The following MYT1 variants were observed in gnomAD, a reference collection of about 807,000 sequenced individuals.
MYT1 encodes the protein myelin transcription factor I.
A neutral mutation model predicts 123.0 loss-of-function variants in MYT1; 23 were observed. The ratio of observed to expected loss-of-function variants is 0.19; its 90% CI spans 0.13 to 0.26. The LOEUF (loss-of-function observed/expected upper bound fraction) is 0.26, where lower values mean the gene tolerates loss of function less well. Ranked by LOEUF, MYT1 falls within the 10% of genes least tolerant of loss-of-function variation. MYT1 has a pLI of 1.00. For synonymous variants in MYT1, 518 were observed against 575.3 expected (o/e 0.90, Z 1.43); for missense variants, 1,125 against 1,472.5 (o/e 0.76, Z 3.86).
At chr20:64,173,027 C>A (rs1015913303) in intron 1 of MYT1, among the ~76,000 whole-genome samples, 19 of 152,130 alleles carry the variant, frequency 1.2e-4, no homozygotes, top group Admixed American at 1.2e-3. Context: ...CCATTCCTGG[C>A]CTCATACCCT....
At chr20:64,217,373 G>T in intron 11 of MYT1, 92 bp downstream of exon 11, 1 of 1,360,692 alleles carries the variant, frequency 7.3e-7, no homozygotes, top group South Asian at 1.2e-5. Flanking sequence ...CCCTCTCGAG[G>T]AGCTACTAGG....
intron 22 of MYT1, among the ~76,000 whole-genome samples, 166 bp from the exon 23 acceptor site, chr20:64,240,154 G>T (rs1036173662): frequency 6.6e-6 from 1 of 152,226 alleles, no homozygotes; most frequent in African/African-American, 2.4e-5. Flanking sequence ...TGAGCAGAGA[G>T]GCTACTGCTG....
chr20:64,209,972 G>A (rs1395125734), intron 7 of MYT1, among the ~76,000 whole-genome samples: 2 of 152,202 alleles, frequency 1.3e-5, no homozygotes, highest in African/African-American at 4.8e-5. Context: ...TGGGGCCATG[G>A]GCACAAAGAG....
rs1442427921 is a variant in MYT1, at chr20:64,240,511, C to T, written c.*63C>T. 6.5e-6 allele frequency: 10 copies of T among 1,537,340 alleles called. No homozygotes were observed. Among genetic ancestry groups the T allele is most frequent in the Non-Finnish European group, 8.7e-6 (10 of 1,143,406 alleles). On this transcript the variant is annotated 3_prime_UTR_variant, in exon 23 of 23. Coordinates refer to ENST00000328439, the MANE Select transcript of MYT1 (RefSeq NM_004535.3). ...CGTTTACCTCCCTCGCCCTGCCCCG[C>T]ACCGTGGGGATGCCCAACTCACAGT...
rs754051884 is a variant in MYT1 at position 64,185,742 on chromosome 20, C to T, written c.-98-4321C>T. Among the ~76,000 whole-genome samples, 2 of 152,176 alleles carry T rather than the reference C, an allele frequency of 1.3e-5. No individual in the cohort carries two copies. Among genetic ancestry groups the T allele is most frequent in the Non-Finnish European group, 2.9e-5 (2 of 68,030 alleles). On this transcript the variant is annotated intron_variant, in intron 1 of 22. Coordinates refer to ENST00000328439, the MANE Select transcript of MYT1 (RefSeq NM_004535.3). This position sits in a 1 kb window ranked among gnomAD's most constrained non-coding sequence, Gnocchi z 4.5. ...GCAGGGGGTCCCCCATGGGGTTGTG[C>T]GTGGAGTGGCCACAGTGCCAGTGCA...
intron 1 of MYT1, among the ~76,000 whole-genome samples, chr20:64,184,557 G>A (rs1349681460): frequency 6.6e-6 from 1 of 152,160 alleles, no homozygotes; most frequent in African/African-American, 2.4e-5. Flanking sequence ...AAACTGAGAA[G>A]TGTGTCGTCC....
chr20:64,221,854 G>A (rs201499970), intron 13 of MYT1, 39 bp from the exon 14 acceptor site: 46 of 1,605,758 alleles, frequency 2.9e-5, no homozygotes, highest in African/African-American at 2.5e-4. Flanking sequence ...AGGCCTCCCC[G>A]CCAGCCGGTT....
intron 4 of MYT1, among the ~76,000 whole-genome samples, chr20:64,201,982 C>CCGCGTGTCGGGAACCCCT (rs1983329179): frequency 1.3e-5 from 1 of 79,764 alleles, no homozygotes; most frequent in African/African-American, 5.5e-5. Flanking sequence ...TCGGGAACCC[C>CCGCGTGTCGGGAACCCCT]CGCGTGTCGG....
At chr20:64,200,817 G>A (rs1421754005) in intron 4 of MYT1, among the ~76,000 whole-genome samples, 1 of 152,200 alleles carries the variant, frequency 6.6e-6, no homozygotes. Context: ...TGGGTAACAG[G>A]TGGGAGGGGT....
At position 64,232,278 on chromosome 20, in the gene MYT1, T is replaced by C; in HGVS notation, c.2790T>C (p.Asn930=). Residue 930 remains asparagine, a synonymous_variant, in exon 19 of 23, where the codon AAT becomes AAC. Transcript: ENST00000328439. This position sits in a 1 kb window ranked among gnomAD's most constrained non-coding sequence, Gnocchi z 6.9. ...GCAGGCAGAAGGAAGGGTCCCTCAA[T>C]GGCTCGTCATTCTCCTGGAAGTCCC... The part of the protein sequence containing the change: ...AARRQKEGSL[N]GSSFSWKSLK... The C allele has an allele frequency of 5.0e-6, 8 of 1,613,066 alleles. No homozygotes were observed. In the Admixed American group the frequency reaches 8.3e-5, roughly 17 times the overall value.
Position 64,207,392 on chromosome 20 carries a change from C to T in MYT1, c.398-202C>T, listed in dbSNP as rs536154754. Among the ~76,000 whole-genome samples the T allele has an allele frequency of 3.3e-5, 5 of 152,178 alleles. No homozygotes were observed. In the South Asian group the frequency reaches 6.2e-4, roughly 19 times the overall value. ...GACCTGCCTCCTAAAATATATTCAC[C>T]GTGATTTCTGGATTCAGGCAGAAGG... is the stretch of plus-strand genomic sequence containing the variant. On this transcript the variant is annotated intron_variant, in intron 6 of 22. Transcript: ENST00000328439.
rs139558742 is a variant in MYT1, at chr20:64,173,009, T to C, written c.-99+8270T>C. Among the ~76,000 whole-genome samples the C allele has an allele frequency of 3.5e-3, 528 of 152,242 alleles. 2 individuals carry two copies. Among genetic ancestry groups the C allele is most frequent in the African/African-American group, 0.012 (514 of 41,540 alleles). ...CTCCCAAAGTGTTAGGATTACAGGC[T>C]TGAGCCACCATTCCTGGCCTCATAC... On this transcript the variant is annotated intron_variant, in intron 1 of 22. Coordinates refer to ENST00000328439, the MANE Select transcript of MYT1 (RefSeq NM_004535.3).
At chr20:64,199,237 C>G (rs1365061244) in intron 3 of MYT1, among the ~76,000 whole-genome samples, 1 of 152,218 alleles carries the variant, frequency 6.6e-6, no homozygotes, top group African/African-American at 2.4e-5. Context: ...ACCGCCAGCC[C>G]CCTTCCTTCC....
In MYT1 at chr20:64,196,728, C is replaced by T. The variant is rs1367619089; in HGVS notation, c.1-2134C>T. ...GGAGCGGCAGAGCTGTCAGCTTCAT[C>T]AACGGGAGCTCACAGTTTTCAAGCA... On this transcript the variant is annotated intron_variant, in intron 2 of 22. Coordinates refer to ENST00000328439, the MANE Select transcript of MYT1 (RefSeq NM_004535.3). This position sits in a 1 kb window ranked among gnomAD's most constrained non-coding sequence, Gnocchi z 4.3. Among the ~76,000 whole-genome samples, 4 of 152,218 alleles carry T rather than the reference C, an allele frequency of 2.6e-5. No individual in the cohort carries two copies. Among genetic ancestry groups the T allele is most frequent in the Non-Finnish European group, 5.9e-5 (4 of 68,030 alleles).
intron 2 of MYT1, 81 bp from the exon 3 acceptor site, chr20:64,198,781 T>C (rs1983204541): frequency 3.4e-6 from 5 of 1,481,350 alleles, no homozygotes; most frequent in Non-Finnish European, 4.7e-6. Context: ...AGCCAGAAAA[T>C]GGCCAGACAT....
Position 64,186,833 on chromosome 20 carries a change from C to T in MYT1, c.-98-3230C>T, listed in dbSNP as rs1982816903. On this transcript the variant is annotated intron_variant, in intron 1 of 22. Transcript: ENST00000328439. The surrounding 1 kb of genome is among the most constrained non-coding windows in gnomAD (Gnocchi z 4.3). ...GCCTGTGGCCCCGGCATCCACGTTT[C>T]CGTGGAGAGTTTCCTGTAGCACGTG... Among the ~76,000 whole-genome samples, 1 of 150,354 alleles carries T rather than the reference C, an allele frequency of 6.7e-6. No individual in the cohort carries two copies. The highest frequency in any genetic ancestry group is 2.5e-5 in the African/African-American group (1 of 40,538).
At chr20:64,195,149 C>T (rs555941230) in intron 2 of MYT1, among the ~76,000 whole-genome samples, 10 of 152,160 alleles carry the variant, frequency 6.6e-5, no homozygotes, top group African/African-American at 1.9e-4. Flanking sequence ...CCACCATGCC[C>T]GGCCCTGTTT....
intron 14 of MYT1, among the ~76,000 whole-genome samples, chr20:64,222,622 T>A (rs1568716929): frequency 1.3e-5 from 2 of 152,276 alleles, no homozygotes; most frequent in Non-Finnish European, 2.9e-5. Context: ...CCTAGGGGAC[T>A]GTGAGAGGCT....
chr20:64,182,339 C>T (rs936996764), intron 1 of MYT1, among the ~76,000 whole-genome samples: 5 of 152,242 alleles, frequency 3.3e-5, no homozygotes, highest in Non-Finnish European at 5.9e-5. Flanking sequence ...CCAGCCAATA[C>T]GCACGCACAG....
Sources: allele counts gnomAD v4.1 joint callset (sites outside exome capture counted in the v4.1 genomes callset), GRCh38; gene constraint gnomAD v4.1.1; non-coding constraint Gnocchi (gnomAD v3.1); transcripts MANE v1.5; gene names NCBI Gene and HGNC (gene_info 2026-07-23, HGNC 2026-07-21).